The following ZBP1 variants were observed in gnomAD, a reference collection of about 807,000 sequenced individuals.
ZBP1 encodes Z-DNA binding protein 1.
Under a neutral mutation model 41.1 loss-of-function variants are expected in ZBP1, and 42 were observed. The observed-to-expected ratio is 1.02, with a 90% confidence interval of 0.80 to 1.32. The LOEUF (loss-of-function observed/expected upper bound fraction) is 1.32, where lower values mean the gene tolerates loss of function less well. ZBP1 is among the 40% of genes most tolerant of loss of function. ZBP1 has a pLI of 0.00. For missense variants in ZBP1, 562 were observed against 549.7 expected, an observed-to-expected ratio of 1.02 and a Z score of -0.22; for synonymous variants, 214 against 205.2, an observed-to-expected ratio of 1.04 and a Z score of -0.37.
chr20:57,614,026 A>T (rs1390643570), intron 4 of ZBP1, among the ~76,000 whole-genome samples: 4 of 152,130 alleles, frequency 2.6e-5, no homozygotes, highest in Non-Finnish European at 5.9e-5. Flanking sequence ...CTGGATTTTT[A>T]AATTTTATTT....
Position 57,610,218 on chromosome 20 carries a change from TAGAC to T in ZBP1, c.1020_1023del (p.Met340IlefsTer59). ...CCTGGGCCAGCCACCCCTGGGCTGA[TAGAC>T]ATTTTGTTGCTGTTGCCGATGGTGG... is the stretch of plus-strand genomic sequence containing the variant. On this transcript the variant is annotated frameshift_variant, in exon 7 of 8. Coordinates refer to ENST00000371173, the MANE Select transcript of ZBP1 (RefSeq NM_030776.3). LOFTEE classifies it high-confidence loss of function. This position sits in a 1 kb window ranked among gnomAD's most constrained non-coding sequence, Gnocchi z 5.5. 1 of 1,614,176 alleles carries T rather than the reference TAGAC, an allele frequency of 6.2e-7. No homozygotes were observed. Among genetic ancestry groups the T allele is most frequent in the Non-Finnish European group, 8.5e-7 (1 of 1,180,020 alleles).
At chr20:57,605,857 C>G (rs933473776) in intron 7 of ZBP1, among the ~76,000 whole-genome samples, 8 of 152,172 alleles carry the variant, frequency 5.3e-5, no homozygotes, top group Admixed American at 1.3e-4. Context: ...TCCCTTGAAC[C>G]TGGGAGGTGG....
chr20:57,605,063 C>G (rs2070461189), intron 7 of ZBP1, among the ~76,000 whole-genome samples: 1 of 152,132 alleles, frequency 6.6e-6, no homozygotes, highest in South Asian at 2.1e-4. Context: ...AAAGACGGCT[C>G]TACATGCTCT....
At chr20:57,606,494 A>G (rs1396814014) in intron 7 of ZBP1, among the ~76,000 whole-genome samples, 1 of 152,260 alleles carries the variant, frequency 6.6e-6, no homozygotes, top group African/African-American at 2.4e-5. Context: ...TGACTACACA[A>G]CAGAGCAGGT....
At chr20:57,607,470 G>A (rs773285664) in intron 7 of ZBP1, among the ~76,000 whole-genome samples, 2 of 152,196 alleles carry the variant, frequency 1.3e-5, no homozygotes, top group Non-Finnish European at 2.9e-5. Flanking sequence ...AAGATACTGC[G>A]AACATTCTTG....
At chr20:57,609,263 C>T (rs2070582178) in intron 7 of ZBP1, among the ~76,000 whole-genome samples, 1 of 152,240 alleles carries the variant, frequency 6.6e-6, no homozygotes, top group Non-Finnish European at 1.5e-5. Flanking sequence ...GAGCTCCCTT[C>T]TGCAGAGTTG....
Position 57,616,515 on chromosome 20 carries a change from T to TCC in ZBP1, c.35-49_35-48dup, listed in dbSNP as rs753248055. ...AGAGAGGGGAACTGAGTCTCCCAGG[T>TCC]CCCCACAGTTGAGCCCAGGCTGGAG... On this transcript the variant is annotated intron_variant, in intron 1 of 7. Coordinates refer to ENST00000371173, the MANE Select transcript of ZBP1 (RefSeq NM_030776.3). 9 of 1,603,656 alleles carry TCC rather than the reference T, an allele frequency of 5.6e-6. No homozygotes were observed. In the South Asian group the frequency reaches 9.9e-5, roughly 18 times the overall value.
chr20:57,611,747 A>AT lies in ZBP1; in HGVS notation c.853dup (p.Ile285AsnfsTer20), dbSNP rs1485248240. 6.2e-7 allele frequency: 1 copy of AT among 1,610,570 alleles called. No individual in the cohort carries two copies. The highest frequency in any genetic ancestry group is 8.5e-7 in the Non-Finnish European group (1 of 1,179,144). On this transcript the variant is annotated frameshift_variant, in exon 6 of 8. Transcript: ENST00000371173. LOFTEE classifies it high-confidence loss of function. ...GTTACCTGGGGGGCTGCCAGGGGGG[A>AT]TGTGGGCAGGGCCCTCGGACGGGAC...
intron 7 of ZBP1, chr20:57,606,975 A>G (rs1218134909): frequency 8.4e-7 from 1 of 1,196,578 alleles, no homozygotes; most frequent in Admixed American, 3.6e-5. Flanking sequence ...GAGATGTAAA[A>G]AAGAATTAAC....
Position 57,610,467 on chromosome 20 carries a change from AC to A in ZBP1, c.875-101del, listed in dbSNP as rs1330701911. ...GTTCACCCTCCTCCCCAGATCTCCC[AC>A]CAGTGGCCCACACCATCCCAGGAGC... On this transcript the variant is annotated intron_variant, in intron 6 of 7. Transcript: ENST00000371173. This position sits in a 1 kb window ranked among gnomAD's most constrained non-coding sequence, Gnocchi z 5.5. 16 of 1,286,120 alleles carry A rather than the reference AC, an allele frequency of 1.2e-5. No individual in the cohort carries two copies. Among genetic ancestry groups the A allele is most frequent in the Non-Finnish European group, 1.8e-5 (16 of 906,714 alleles). 79.7% of individuals were successfully genotyped at this position (1,286,120 alleles called of 1,614,324 possible). A position where few individuals can be genotyped will look rare whatever the true frequency, so the allele number is the denominator to read the frequency against.
intron 7 of ZBP1, chr20:57,607,269 T>A: frequency 7.7e-7 from 1 of 1,303,254 alleles, no homozygotes; most frequent in South Asian, 1.2e-5. Context: ...TGAATGACTT[T>A]GAGGGGTTCA....
At chr20:57,605,723 T>C (rs1568924593) in intron 7 of ZBP1, among the ~76,000 whole-genome samples, 1 of 152,208 alleles carries the variant, frequency 6.6e-6, no homozygotes, top group East Asian at 1.9e-4. Flanking sequence ...TCACCTGAGG[T>C]TGGGAGTTCA....
intron 2 of ZBP1, 82 bp downstream of exon 2, chr20:57,616,162 G>T: frequency 7.4e-7 from 1 of 1,359,870 alleles, no homozygotes; most frequent in African/African-American, 1.4e-5. Flanking sequence ...GTTCAGATTC[G>T]AACCCAGGCT....
intron 7 of ZBP1, among the ~76,000 whole-genome samples, chr20:57,606,511 T>C (rs1409238513): frequency 6.6e-6 from 1 of 152,256 alleles, no homozygotes; most frequent in Non-Finnish European, 1.5e-5. Context: ...AGGTTCTTAA[T>C]GTAGATGAAA....
rs1283109891 is a variant in ZBP1, at chr20:57,615,541, G to T, written c.299C>A (p.Thr100Asn). 2.5e-6 allele frequency: 4 copies of T among 1,613,398 alleles called. No homozygotes were observed. Among genetic ancestry groups the T allele is most frequent in the South Asian group, 1.1e-5 (1 of 91,010 alleles). Residue 100 changes from threonine (T) to asparagine (N), a missense_variant, in exon 3 of 8, where the codon ACC becomes AAC. By Grantham distance (65) the Thr-to-Asn change is moderately conservative. Coordinates refer to ENST00000371173, the MANE Select transcript of ZBP1 (RefSeq NM_030776.3). ...TTGTTGGCTGAACTGAGGGCCAGGGGTCTCTGGAATTGTAGCTGCATGTTG... is the reference window on the plus strand; with the variant it reads ...TTGTTGGCTGAACTGAGGGCCAGGGTTCTCTGGAATTGTAGCTGCATGTTG... ...PQQHAATIPE[T>N]PGPQFSQQRE...
chr20:57,611,687 G>A (rs777581693), intron 6 of ZBP1, 40 bp downstream of exon 6: 40 of 1,574,352 alleles, frequency 2.5e-5, no homozygotes, highest in Non-Finnish European at 2.9e-5. Context: ...GAGGACCCAC[G>A]GGGTGGCAGA....
intron 1 of ZBP1, 72 bp downstream of exon 1, chr20:57,620,190 A>G: frequency 2.0e-6 from 3 of 1,520,896 alleles, no homozygotes; most frequent in Non-Finnish European, 2.7e-6. Flanking sequence ...ACCAAGCGAA[A>G]CAGGAGGAAA....
chr20:57,606,909 A>C (rs1445336136), intron 7 of ZBP1: 2 of 1,080,560 alleles, frequency 1.9e-6, no homozygotes, highest in Non-Finnish European at 2.3e-6. Context: ...GGCCAAAAAA[A>C]AATTTTTTTT....
chr20:57,614,746 C>A, intron 4 of ZBP1, 141 bp downstream of exon 4: 1 of 1,128,838 alleles, frequency 8.9e-7, no homozygotes, highest in South Asian at 1.5e-5. Context: ...CTCCTGGAAG[C>A]CCTTGCAGTG....
Sources: allele counts gnomAD v4.1 joint callset (sites outside exome capture counted in the v4.1 genomes callset), GRCh38; gene constraint gnomAD v4.1.1; non-coding constraint Gnocchi (gnomAD v3.1); transcripts MANE v1.5; gene names NCBI Gene and HGNC (gene_info 2026-07-23, HGNC 2026-07-21).